The following ARID1B variants were observed in gnomAD, a reference collection of about 807,000 sequenced individuals.
The protein encoded by ARID1B is AT-rich interactive domain-containing protein 1B.
A neutral mutation model predicts 212.3 loss-of-function variants in ARID1B; 30 were observed. The ratio of observed to expected loss-of-function variants is 0.14; its 90% confidence interval spans 0.11 to 0.19. The LOEUF is 0.19. Among genes scored for constraint, ARID1B ranks in the 10% least tolerant of loss-of-function variants. The pLI is 1.00. For missense variants in ARID1B, 2,891 were observed against 3,204.0 expected, an observed-to-expected ratio of 0.90 and a Z score of 2.36; for synonymous variants, 1,402 against 1,301.7, an observed-to-expected ratio of 1.08 and a Z score of -1.66.
At chr6:157,171,515 A>C (rs1469211886) in intron 9 of ARID1B, among the ~76,000 whole-genome samples, 1 of 152,226 alleles carries the variant, frequency 6.6e-6, no homozygotes, top group Non-Finnish European at 1.5e-5. Context: ...AGTCAAAAAT[A>C]AGCATTTAAA....
intron 5 of ARID1B, among the ~76,000 whole-genome samples, chr6:157,106,141 G>C (rs1366238392): frequency 6.6e-6 from 1 of 152,098 alleles, no homozygotes; most frequent in Non-Finnish European, 1.5e-5. Flanking sequence ...CCATACACAG[G>C]AGAGTGTTGA....
At position 156,779,482 on chromosome 6, in the gene ARID1B, C is replaced by T; in HGVS notation, c.1791+11C>T. ...ATGGGCAGATCCCAGGTAACCCTCG[C>T]GCCAGCCGGGCCTGCTTCCGCCCGG... On this transcript the variant is annotated intron_variant, in intron 1 of 19. Transcript: ENST00000636930. 2 of 1,367,634 alleles carry T rather than the reference C, an allele frequency of 1.5e-6. No homozygotes were observed. Among genetic ancestry groups the T allele is most frequent in the South Asian group, 1.6e-5 (1 of 63,200 alleles). The allele number at this position is 1,367,634 out of a possible 1,614,324, so 84.7% of individuals were successfully genotyped here.
At position 157,190,200 on chromosome 6, in the gene ARID1B, A is replaced by G. The variant is rs2128340023; in HGVS notation, c.4221A>G (p.Gly1407=). The G allele has an allele frequency of 6.2e-7, 1 of 1,611,768 alleles. No homozygotes were observed. The highest frequency in any genetic ancestry group is 1.1e-5 in the South Asian group (1 of 90,894). Residue 1407 remains glycine, a synonymous_variant, in exon 15 of 20, where the codon GGA becomes GGG. Transcript: ENST00000636930. This position sits in a 1 kb window ranked among gnomAD's most constrained non-coding sequence, Gnocchi z 4.6. ...PYEPNKDPFG[G]MRKVPGSSEP... is the part of the protein sequence containing the mutation. ...AGCCCAACAAGGACCCCTTTGGGGG[A>G]ATGAGAAAAGGTACGTGTAGAGGGG... is the stretch of plus-strand genomic sequence containing the variant.
intron 4 of ARID1B, among the ~76,000 whole-genome samples, chr6:156,957,795 C>A (rs886582645): frequency 1.2e-4 from 19 of 152,072 alleles, no homozygotes; most frequent in African/African-American, 4.3e-4. Context: ...AGGCTGGTAT[C>A]CTCATTTGCT....
Position 157,184,408 on chromosome 6 carries a change from C to A in ARID1B, c.3892C>A (p.Gln1298Lys). 2 of 1,614,118 alleles carry A rather than the reference C, an allele frequency of 1.2e-6. No homozygotes were observed. The highest frequency in any genetic ancestry group is 1.7e-6 in the Non-Finnish European group (2 of 1,180,042). Residue 1298 changes from glutamine to lysine, a missense_variant, in exon 13 of 20, where the codon CAG (glutamine) becomes AAG (lysine). Around this residue, in one of 7 missense-constraint regions of ARID1B, gnomAD observed 666 missense variants for 873.5 expected, o/e 0.76. Transcript: ENST00000636930. ...EVFSTGDTKK[Q>K]PKLQPPSPAN... is the part of the protein sequence containing the mutation. The stretch of plus-strand genomic sequence containing the variant: ...CTTCAGCACCGGGGACACCAAAAAG[C>A]AGCCCAAGCTCCAGCCGCCATCTCC...
At position 157,207,372 on chromosome 6, in the gene ARID1B, G is replaced by A. The variant is rs3812233; in HGVS notation, c.6600G>A (p.Ser2200=). The A allele has an allele frequency of 1.0e-4, 166 of 1,614,168 alleles. No individual in the cohort carries two copies. The East Asian group carries it at 2.0e-3, about 19-fold the overall frequency. ...CTGTGGGACCCAACTCGGTCCTGTC[G>A]CCTCAGAGACTTGTGCTGGAGACCC... The part of the protein sequence containing the change: ...FPTVGPNSVL[S]PQRLVLETLC... The change falls in exon 20 of 20, where the codon TCG becomes TCA. Residue 2200 remains serine (S), a synonymous_variant. Transcript: ENST00000636930. The surrounding 1 kb of genome is among the most constrained non-coding windows in gnomAD (Gnocchi z 8.5).
intron 12 of ARID1B, among the ~76,000 whole-genome samples, chr6:157,183,731 C>A (rs1197486875): frequency 6.6e-6 from 1 of 152,144 alleles, no homozygotes; most frequent in African/African-American, 2.4e-5. Context: ...AGTTGGGGGC[C>A]GTTGGTCCAG....
intron 4 of ARID1B, among the ~76,000 whole-genome samples, chr6:157,034,224 A>G (rs1381299120): frequency 2.0e-5 from 3 of 152,230 alleles, no homozygotes; most frequent in African/African-American, 4.8e-5. Flanking sequence ...TACCTAAGCT[A>G]AACTCATTTT....
At chr6:156,896,142 C>A (rs908726569) in intron 2 of ARID1B, among the ~76,000 whole-genome samples, 1 of 152,126 alleles carries the variant, frequency 6.6e-6, no homozygotes, top group African/African-American at 2.4e-5. Context: ...TAGATTTTGT[C>A]CTCTTCTGTC....
chr6:156,853,458 G>A (rs1784711210), intron 2 of ARID1B, among the ~76,000 whole-genome samples: 1 of 152,184 alleles, frequency 6.6e-6, no homozygotes, highest in African/African-American at 2.4e-5. Flanking sequence ...CTTAACCTGG[G>A]TCACCCTGTA....
At chr6:157,126,149 A>C (rs1788124943) in intron 6 of ARID1B, among the ~76,000 whole-genome samples, 2 of 152,222 alleles carry the variant, frequency 1.3e-5, no homozygotes, top group South Asian at 4.1e-4. Context: ...GGCTCACAGA[A>C]TCACTATAAA....
chr6:156,802,910 TCA>T (rs766095968), intron 1 of ARID1B, among the ~76,000 whole-genome samples: 6 of 152,210 alleles, frequency 3.9e-5, no homozygotes, highest in Non-Finnish European at 7.3e-5. Flanking sequence ...ACAATATGTT[TCA>T]CAGTTTTATT....
At chr6:157,162,312 G>A (rs1790996803) in intron 8 of ARID1B, among the ~76,000 whole-genome samples, 1 of 152,238 alleles carries the variant, frequency 6.6e-6, no homozygotes, top group South Asian at 2.1e-4. Context: ...AAAGCAAACT[G>A]TAGTGGGAAG....
chr6:157,101,640 C>CT (rs112437534), intron 5 of ARID1B, among the ~76,000 whole-genome samples: 2,475 of 145,958 alleles, frequency 0.017, 60 homozygotes, highest in African/African-American at 0.054. Flanking sequence ...AGTGAGTACT[C>CT]TTTTTTTTTT....
In ARID1B at chr6:157,174,180, T is replaced by A. The variant is rs1442972234; in HGVS notation, c.3345+63T>A. The A allele has an allele frequency of 3.5e-6, 5 of 1,438,816 alleles. 1 individual carries two copies. Among genetic ancestry groups the A allele is most frequent in the Non-Finnish European group, 4.9e-6 (5 of 1,022,534 alleles). 89.1% of individuals were successfully genotyped at this position (1,438,816 alleles called of 1,614,324 possible). ...CTAGCAAAAAGCTGCCATGTCGTTC[T>A]CTCTTCACTGGTGTTGGCCGACACT... On this transcript the variant is annotated intron_variant, in intron 10 of 19. Coordinates refer to ENST00000636930, the MANE Select transcript of ARID1B (RefSeq NM_001374828.1).
At chr6:156,815,997 A>G (rs777121544) in intron 1 of ARID1B, among the ~76,000 whole-genome samples, 16 of 152,342 alleles carry the variant, frequency 1.1e-4, no homozygotes, top group South Asian at 2.1e-4. Context: ...GACTTTTCTC[A>G]TGTTAATATA....
At chr6:156,905,250 G>GCACACACA (rs138326649) in intron 3 of ARID1B, among the ~76,000 whole-genome samples, 2,355 of 143,788 alleles carry the variant, frequency 0.016, 68 homozygotes, top group African/African-American at 0.051. Flanking sequence ...ACATATGCAC[G>GCACACACA]CACACACACA....
chr6:156,788,021 C>A (rs769023292), intron 1 of ARID1B, among the ~76,000 whole-genome samples: 18 of 152,126 alleles, frequency 1.2e-4, no homozygotes, highest in East Asian at 5.8e-4. Context: ...TGCCTACCTG[C>A]CTTCCCATGT....
intron 1 of ARID1B, among the ~76,000 whole-genome samples, chr6:156,823,221 T>G (rs905436456): frequency 6.6e-6 from 1 of 152,194 alleles, no homozygotes; most frequent in African/African-American, 2.4e-5. Flanking sequence ...TGTTCCATTT[T>G]TTCTCAATGA....
Sources: gnomAD v4.1 joint callset for allele counts (sites outside exome capture counted in the v4.1 genomes callset) on GRCh38, gnomAD v4.1.1 for gene constraint, gnomAD v4.1.1 regional missense constraint, Gnocchi (gnomAD v3.1) non-coding constraint, MANE v1.5 for transcripts, NCBI Gene and HGNC (gene_info 2026-07-23, HGNC 2026-07-21) for gene names.